Variants in CRYBG1 observed in about 807,000 individuals in gnomAD.
CRYBG1 encodes crystallin beta-gamma domain containing 1, also known as beta/gamma crystallin domain-containing protein 1.
A neutral mutation model predicts 189.2 loss-of-function variants in CRYBG1; 139 were observed. The ratio of observed to expected loss-of-function variants is 0.73; its 90% CI spans 0.64 to 0.85. The LOEUF (loss-of-function observed/expected upper bound fraction) is 0.85, where lower values mean the gene tolerates loss of function less well. Among genes scored for constraint, CRYBG1 ranks in the 40% least tolerant of loss-of-function variants. The pLI is 0.00. For synonymous variants in CRYBG1, 1,023 were observed against 1,017.1 expected, an observed-to-expected ratio of 1.01 and a Z score of -0.11; for missense variants, 2,611 against 2,675.8, an observed-to-expected ratio of 0.98 and a Z score of 0.53.
intron 1 of CRYBG1, among the ~76,000 whole-genome samples, chr6:106,406,637 GAA>G (rs1770832076): frequency 6.6e-6 from 1 of 152,212 alleles, no homozygotes; most frequent in African/African-American, 2.4e-5. Flanking sequence ...CAGCCAGAGA[GAA>G]AGGTCGGGTT....
chr6:106,483,401 T>TATATATATGTATATATATA, intron 2 of CRYBG1, among the ~76,000 whole-genome samples: 1 of 95,596 alleles, frequency 1.0e-5, no homozygotes, highest in African/African-American at 3.0e-5. Flanking sequence ...GATATATATA[T>TATATATATGTATATATATA]AAAACATTTT....
chr6:106,477,928 G>A (rs1772364855), intron 2 of CRYBG1, among the ~76,000 whole-genome samples: 1 of 152,268 alleles, frequency 6.6e-6, no homozygotes, highest in African/African-American at 2.4e-5. Context: ...ATGTGCCAAG[G>A]CGCCAGTTCC....
At chr6:106,544,983 T>G in intron 13 of CRYBG1, 50 bp downstream of exon 13, 1 of 1,532,550 alleles carries the variant, frequency 6.5e-7, no homozygotes, top group African/African-American at 1.4e-5. Context: ...TTACCTTGGT[T>G]TGTTTTAAAC....
chr6:106,510,262 C>A (rs1438119309), intron 2 of CRYBG1, among the ~76,000 whole-genome samples: 2 of 152,218 alleles, frequency 1.3e-5, no homozygotes, highest in East Asian at 3.9e-4. Context: ...AGGCTGGGCT[C>A]GCCGCCCCTG....
rs114268796 is a variant in CRYBG1 at position 106,504,235 on chromosome 6, G to A, written c.313-7195G>A. 7.6e-3 allele frequency among the ~76,000 whole-genome samples: 1,155 copies of A among 152,218 alleles called. 15 individuals carry two copies. The highest frequency in any genetic ancestry group is 0.026 in the African/African-American group (1,068 of 41,498). Reference sequence around the variant, plus strand: ...CCGGGAGACTGGGAGCAGTGACATCGGAGAAGAAGGTTCTGAAGCCCTAAC... The same window carrying A: ...CCGGGAGACTGGGAGCAGTGACATCAGAGAAGAAGGTTCTGAAGCCCTAAC... On this transcript the variant is annotated intron_variant, in intron 2 of 21. Transcript: ENST00000633556.
intron 3 of CRYBG1, among the ~76,000 whole-genome samples, chr6:106,518,812 T>C (rs922558172): frequency 6.6e-6 from 1 of 151,798 alleles, no homozygotes; most frequent in East Asian, 1.9e-4. Flanking sequence ...ATAAAAAAAT[T>C]AGTTGGGTGT....
chr6:106,420,689 T>A (rs1467374829), intron 1 of CRYBG1: 1 of 152,996 alleles, frequency 6.5e-6, no homozygotes, highest in African/African-American at 2.4e-5. Flanking sequence ...AAAATTTCTG[T>A]CAAAATGGTT....
At chr6:106,410,636 A>G (rs757525898) in intron 1 of CRYBG1, among the ~76,000 whole-genome samples, 3 of 152,246 alleles carry the variant, frequency 2.0e-5, no homozygotes, top group Non-Finnish European at 4.4e-5. Context: ...ATGCCCATCA[A>G]TGATAGACTG....
chr6:106,440,243 C>CCTCTCTCTCTCTCTCT (rs34075891), intron 1 of CRYBG1, among the ~76,000 whole-genome samples: 6 of 147,498 alleles, frequency 4.1e-5, no homozygotes, highest in Non-Finnish European at 7.4e-5. Flanking sequence ...TTCCTTTCTT[C>CCTCTCTCTCTCTCTCT]CTCTCTCTCT....
At chr6:106,515,042 A>G (rs550996355) in intron 3 of CRYBG1, among the ~76,000 whole-genome samples, 1 of 152,352 alleles carries the variant, frequency 6.6e-6, no homozygotes, top group Middle Eastern at 3.4e-3. Flanking sequence ...ACAATTTGAG[A>G]CTGAAGAGTA....
chr6:106,405,434 G>T (rs548006678), intron 1 of CRYBG1, among the ~76,000 whole-genome samples: 1 of 152,228 alleles, frequency 6.6e-6, no homozygotes, highest in African/African-American at 2.4e-5. Context: ...AGCACTTGGG[G>T]GAAGGGGCGG....
Position 106,571,749 on chromosome 6 carries a change from C to T in CRYBG1, c.*3183C>T, listed in dbSNP as rs1343206323. On this transcript the variant is annotated 3_prime_UTR_variant, in exon 22 of 22. Coordinates refer to ENST00000633556, the MANE Select transcript of CRYBG1 (RefSeq NM_001371242.2). ...AGTAAAACAGAAGGTGCCACAACAA[C>T]CTGCAAAGCCAGTGTGAAGGAACAG... 2 of 413,978 alleles carry T rather than the reference C, an allele frequency of 4.8e-6. No individual in the cohort carries two copies. Among genetic ancestry groups the T allele is most frequent in the Non-Finnish European group, 8.7e-6 (2 of 228,610 alleles). 25.6% of individuals were successfully genotyped at this position (413,978 alleles called of 1,614,324 possible).
At chr6:106,561,261 G>A in intron 19 of CRYBG1, 81 bp from the exon 20 acceptor site, 1 of 1,449,616 alleles carries the variant, frequency 6.9e-7, no homozygotes, top group Non-Finnish European at 9.5e-7. Context: ...TCTCACTTTG[G>A]ATTCTTCCTG....
Position 106,530,184 on chromosome 6 carries a change from A to G in CRYBG1, c.4587A>G (p.Arg1529=), listed in dbSNP as rs149735405. The G allele has an allele frequency of 2.4e-5, 39 of 1,611,146 alleles. No individual in the cohort carries two copies. In the African/African-American group the frequency reaches 3.6e-4, roughly 15 times the overall value. Reference sequence around the variant, plus strand: ...CATCTATATTTTTTCAGGATTACAGAGTTAGTCACATTGACTTATTTACTG... The same window carrying G: ...CATCTATATTTTTTCAGGATTACAGGGTTAGTCACATTGACTTATTTACTG... The part of the protein sequence containing the change: ...GSIRHVVQDY[R]VSHIDLFTEP... The change falls in exon 8 of 22, where the codon AGA becomes AGG. Residue 1529 remains arginine, a synonymous_variant. Coordinates refer to ENST00000633556, the MANE Select transcript of CRYBG1 (RefSeq NM_001371242.2).
intron 1 of CRYBG1, among the ~76,000 whole-genome samples, chr6:106,379,475 A>C (rs978191405): frequency 2.6e-5 from 4 of 151,280 alleles, no homozygotes; most frequent in Non-Finnish European, 5.9e-5. Context: ...GTTAGCCAGG[A>C]TGGTCTCGAT....
At chr6:106,539,875 C>G (rs1774091197) in intron 9 of CRYBG1, among the ~76,000 whole-genome samples, 1 of 152,106 alleles carries the variant, frequency 6.6e-6, no homozygotes, top group Non-Finnish European at 1.5e-5. Context: ...ACATACAATT[C>G]CAAGTTGTGG....
In CRYBG1 at chr6:106,561,567, C is replaced by G. The variant is rs929631855; in HGVS notation, c.6138+67C>G. 18 of 1,507,618 alleles carry G rather than the reference C, an allele frequency of 1.2e-5. No individual in the cohort carries two copies. The African/African-American group carries it at 2.0e-4, about 16-fold the overall frequency. The allele number at this position is 1,507,618 out of a possible 1,614,324, so 93.4% of individuals were successfully genotyped here. On this transcript the variant is annotated intron_variant, in intron 20 of 21. Transcript: ENST00000633556. ...AGGAGGTGACTCATCCTTTCATATG[C>G]TTTTGATCTTTTCTTCAAGTAGATG... is the stretch of plus-strand genomic sequence containing the variant.
intron 7 of CRYBG1, among the ~76,000 whole-genome samples, chr6:106,527,788 T>G (rs1049722227): frequency 6.6e-6 from 1 of 152,204 alleles, no homozygotes; most frequent in Non-Finnish European, 1.5e-5. Flanking sequence ...ATTTATTTAG[T>G]GTTTTTGTTT....
rs1562089869 is a variant in CRYBG1 at position 106,499,151 on chromosome 6, TGTTTG to T, written c.313-12278_313-12274del. On this transcript the variant is annotated intron_variant, in intron 2 of 21. Coordinates refer to ENST00000633556, the MANE Select transcript of CRYBG1 (RefSeq NM_001371242.2). ...TTTGTTTTTTGTTTGTTTGTTTGTT[TGTTTG>T]TTTTTTGCTTTTTTGAGACGGAGTC... 8.8e-4 allele frequency among the ~76,000 whole-genome samples: 73 copies of T among 82,742 alleles called. 12 individuals are homozygous for T. The highest frequency in any genetic ancestry group is 1.5e-3 in the Admixed American group (13 of 8,902). 54.3% of individuals were successfully genotyped at this position (82,742 alleles called of 152,430 possible).
Sources: allele counts gnomAD v4.1 joint callset (sites outside exome capture counted in the v4.1 genomes callset), GRCh38; gene constraint gnomAD v4.1.1; transcripts MANE v1.5; gene names NCBI Gene and HGNC (gene_info 2026-07-23, HGNC 2026-07-21).